GRM7: variants seen among roughly 807,000 people sequenced by gnomAD.
GRM7 encodes glutamate metabotropic receptor 7.
In GRM7, 35 loss-of-function variants were observed where a neutral mutation model predicts 84.5. The observed-to-expected ratio is 0.41, with a 90% confidence interval of 0.32 to 0.55. The LOEUF (loss-of-function observed/expected upper bound fraction) is 0.55. Among genes scored for constraint, GRM7 ranks in the 20% least tolerant of loss-of-function variants. GRM7 has a pLI of 0.19. For synonymous variants in GRM7, 487 were observed against 455.1 expected, an observed-to-expected ratio of 1.07 and a Z score of -0.89; for missense variants, 1,003 against 1,194.6, an observed-to-expected ratio of 0.84 and a Z score of 2.36.
chr3:7,262,375 C>G (rs138383034), intron 2 of GRM7, among the ~76,000 whole-genome samples: 2 of 152,216 alleles, frequency 1.3e-5, no homozygotes, highest in Non-Finnish European at 2.9e-5. Flanking sequence ...ATTACTTCTT[C>G]AGCTTGGTCT....
At chr3:7,452,489 G>C (rs192708059) in intron 5 of GRM7, 118 bp from the exon 6 acceptor site, 10 of 725,250 alleles carry the variant, frequency 1.4e-5, no homozygotes, top group Non-Finnish European at 2.4e-5. Flanking sequence ...TGTATTTATC[G>C]AAGCAGTGTT....
At chr3:7,422,271 G>A (rs712777) in intron 5 of GRM7, among the ~76,000 whole-genome samples, 111,998 of 152,032 alleles carry the variant, frequency 0.74, 41,730 homozygotes, top group African/African-American at 0.83. Context: ...CACAATATAT[G>A]TAAACAAATG....
intron 7 of GRM7, among the ~76,000 whole-genome samples, chr3:7,533,992 G>T (rs1324373972): frequency 6.7e-6 from 1 of 150,182 alleles, no homozygotes; most frequent in Non-Finnish European, 1.5e-5. Context: ...TTTAAAATGT[G>T]GCATAGAAAG....
Position 7,461,716 on chromosome 3 carries a change from G to A in GRM7, c.1509G>A (p.Gln503=), listed in dbSNP as rs939188306. 1.2e-6 allele frequency: 2 copies of A among 1,613,798 alleles called. No homozygotes were observed. The highest frequency in any genetic ancestry group is 1.7e-6 in the Non-Finnish European group (2 of 1,179,784). ...TCGGGCAGTGGACAGACGAACTTCA[G>A]CTCAATGTGAGTTCTGCTTGCTTCT... ...RLIGQWTDEL[Q]LNIEDMQWGK... Residue 503 remains glutamine (Q), a synonymous_variant, in exon 7 of 10, where the codon CAG becomes CAA. Coordinates refer to ENST00000357716, the MANE Select transcript of GRM7 (RefSeq NM_000844.4).
At chr3:7,602,080 C>CAAAAAAAAAAAAAAA (rs562646639) in intron 8 of GRM7, among the ~76,000 whole-genome samples, 1 of 93,798 alleles carries the variant, frequency 1.1e-5, no homozygotes, top group Non-Finnish European at 2.1e-5. Context: ...ATTACCAGGA[C>CAAAAAAAAAAAAAAA]AAAAAAAAAA....
intron 1 of GRM7, among the ~76,000 whole-genome samples, chr3:6,923,274 C>G (rs1697187463): frequency 6.6e-6 from 1 of 152,014 alleles, no homozygotes; most frequent in Admixed American, 6.6e-5. Flanking sequence ...CTCGGTCTCC[C>G]AAACTGCTGG....
chr3:7,640,436 C>T (rs764232975), intron 8 of GRM7, among the ~76,000 whole-genome samples: 1 of 152,194 alleles, frequency 6.6e-6, no homozygotes, highest in Non-Finnish European at 1.5e-5. Context: ...GCCCACATGC[C>T]TGGAATTGGC....
At chr3:7,680,511 T>C in intron 9 of GRM7, 1 of 552,590 alleles carries the variant, frequency 1.8e-6, no homozygotes, top group Non-Finnish European at 3.2e-6. Flanking sequence ...TTGGAGGCTC[T>C]GCTTCAGAAG....
chr3:7,696,708 C>G (rs1701033509), intron 9 of GRM7, among the ~76,000 whole-genome samples: 3 of 152,018 alleles, frequency 2.0e-5, no homozygotes, highest in Admixed American at 1.3e-4. Flanking sequence ...CATGGTTAGC[C>G]CTTGGCAACA....
chr3:7,068,348 T>C (rs1177582168), intron 1 of GRM7, among the ~76,000 whole-genome samples: 4 of 152,052 alleles, frequency 2.6e-5, no homozygotes, highest in Non-Finnish European at 5.9e-5. Context: ...GTCAGCATAA[T>C]GTGGGAATCA....
At chr3:7,362,166 AT>A (rs1693691355) in intron 4 of GRM7, among the ~76,000 whole-genome samples, 1 of 152,006 alleles carries the variant, frequency 6.6e-6, no homozygotes, top group South Asian at 2.1e-4. Flanking sequence ...TATAATAGTC[AT>A]TTTTTTAGTC....
At chr3:7,690,636 C>T (rs1174515011) in intron 9 of GRM7, among the ~76,000 whole-genome samples, 1 of 152,120 alleles carries the variant, frequency 6.6e-6, no homozygotes, top group East Asian at 1.9e-4. Context: ...ATTTATAAAC[C>T]AACGAAGTTT....
intron 1 of GRM7, among the ~76,000 whole-genome samples, chr3:7,045,275 T>G (rs1440869343): frequency 6.6e-6 from 1 of 152,130 alleles, no homozygotes; most frequent in Non-Finnish European, 1.5e-5. Flanking sequence ...CCCTTTATGT[T>G]GTGGTATGGG....
intron 4 of GRM7, among the ~76,000 whole-genome samples, chr3:7,345,953 T>C (rs1186784170): frequency 6.6e-6 from 1 of 152,130 alleles, no homozygotes; most frequent in Non-Finnish European, 1.5e-5. Flanking sequence ...ACAATATCAA[T>C]ACAGAAAAAT....
At chr3:7,287,799 G>C (rs1699482300) in intron 2 of GRM7, among the ~76,000 whole-genome samples, 1 of 152,120 alleles carries the variant, frequency 6.6e-6, no homozygotes, top group East Asian at 1.9e-4. Context: ...AGTCTTAAGA[G>C]AGGTAATAGT....
intron 9 of GRM7, among the ~76,000 whole-genome samples, chr3:7,703,618 T>C (rs1259260261): frequency 2.6e-5 from 4 of 152,200 alleles, no homozygotes; most frequent in African/African-American, 9.6e-5. Flanking sequence ...GCTTGAATAC[T>C]TCTAGTGATA....
At chr3:7,555,007 A>C (rs748805502) in intron 7 of GRM7, among the ~76,000 whole-genome samples, 17 of 152,148 alleles carry the variant, frequency 1.1e-4, no homozygotes, top group Non-Finnish European at 2.1e-4. Context: ...CTTAGATTAG[A>C]AGCACAGATA....
In GRM7 at chr3:7,452,732, C is replaced by T. The variant is rs201868190; in HGVS notation, c.1300C>T (p.Arg434Trp). ...GAACAAGGATCTCTGTGCTGACTAC[C>T]GGGGTGTCTGCCCAGAGATGGAGCA... ...HMNKDLCADY[R>W]GVCPEMEQAG... Residue 434 changes from arginine (R) to tryptophan (W), a missense_variant, in exon 6 of 10, where the codon CGG (arginine) becomes TGG (tryptophan). Physicochemically the swap from Arg to Trp is moderately radical, Grantham distance 101. Transcript: ENST00000357716. The T allele has an allele frequency of 2.7e-4, 437 of 1,613,152 alleles. No homozygotes were observed. The highest frequency in any genetic ancestry group is 3.6e-4 in the Non-Finnish European group (420 of 1,179,452).
At chr3:6,893,101 C>G (rs1696034133) in intron 1 of GRM7, 1 of 152,006 alleles carries the variant, frequency 6.6e-6, no homozygotes, top group Non-Finnish European at 1.5e-5. Flanking sequence ...CCACTATGAC[C>G]TAATGAAGTA....
Sources: allele counts gnomAD v4.1 joint callset (sites outside exome capture counted in the v4.1 genomes callset), GRCh38; gene constraint gnomAD v4.1.1; transcripts MANE v1.5; gene names NCBI Gene and HGNC (gene_info 2026-07-23, HGNC 2026-07-21).